Variants in CAPN5 observed in about 807,000 individuals in gnomAD.
The protein encoded by CAPN5 is calpain-5.
Under a neutral mutation model 73.0 loss-of-function variants are expected in CAPN5, and 54 were observed. That is an observed-to-expected ratio of 0.74 (90% CI 0.59 to 0.93). The LOEUF is 0.93. Among genes scored for constraint, CAPN5 ranks in the 40% least tolerant of loss-of-function variants. The pLI is 0.00. For missense variants in CAPN5, 785 were observed against 882.9 expected (o/e 0.89, Z 1.41); for synonymous variants, 335 against 356.9 (o/e 0.94, Z 0.69).
chr11:77,122,551 C>A, intron 11 of CAPN5, 25 bp from the exon 12 acceptor site: 1 of 1,527,530 alleles, frequency 6.5e-7, no homozygotes, highest in Non-Finnish European at 9.0e-7. Flanking sequence ...CCACCCTCAC[C>A]CCATCTCCCA....
intron 1 of CAPN5, among the ~76,000 whole-genome samples, chr11:77,074,274 C>G (rs1949944081): frequency 6.6e-6 from 1 of 152,008 alleles, no homozygotes; most frequent in Non-Finnish European, 1.5e-5. Context: ...TTTAGTCTTG[C>G]CCCTGGCTCC....
intron 3 of CAPN5, among the ~76,000 whole-genome samples, chr11:77,094,069 T>G (rs562739679): frequency 2.0e-5 from 3 of 152,226 alleles, no homozygotes; most frequent in Non-Finnish European, 4.4e-5. Context: ...CCCAACACTG[T>G]TGGGGACACT....
In CAPN5 at chr11:77,125,058, T is replaced by C. The variant is rs912410563; in HGVS notation, c.*1188T>C. The C allele has an allele frequency of 1.2e-4, 19 of 152,348 alleles. No individual in the cohort carries two copies. Among genetic ancestry groups the C allele is most frequent in the African/African-American group, 4.6e-4 (19 of 41,470 alleles). 9.4% of individuals were successfully genotyped at this position (152,348 alleles called of 1,614,324 possible). ...TGAAAGCCTGAACCTCCATTTTTCT[T>C]CTTGGCTCCAGTTTTGCTGGTCCTC... On this transcript the variant is annotated 3_prime_UTR_variant, in exon 13 of 13. Transcript: ENST00000648180.
chr11:77,093,561 C>T, intron 2 of CAPN5, 121 bp from the exon 3 acceptor site: 3 of 1,400,976 alleles, frequency 2.1e-6, no homozygotes, highest in Non-Finnish European at 2.9e-6. Flanking sequence ...AGGTGAATCA[C>T]CATGCTGATG....
At chr11:77,079,446 G>A (rs552739858) in intron 1 of CAPN5, among the ~76,000 whole-genome samples, 2 of 152,022 alleles carry the variant, frequency 1.3e-5, no homozygotes, top group East Asian at 3.9e-4. Context: ...TCCATCCATA[G>A]GGTTGTGTGC....
At chr11:77,118,093 T>TG (rs1950485486) in intron 7 of CAPN5, 64 bp from the exon 8 acceptor site, 4 of 1,470,340 alleles carry the variant, frequency 2.7e-6, no homozygotes, top group East Asian at 2.3e-5. Flanking sequence ...GTTGTTGGGC[T>TG]GGGGGGCCAA....
rs1368874058 is a variant in CAPN5, at chr11:77,125,273, G to C, written c.*1403G>C. On this transcript the variant is annotated 3_prime_UTR_variant, in exon 13 of 13. Coordinates refer to ENST00000648180, the MANE Select transcript of CAPN5 (RefSeq NM_004055.5). The stretch of plus-strand genomic sequence containing the variant: ...ACTCCAGATCCTGCTGTCTGGATCA[G>C]TGTTCTGGCTGGAGGTGCTGGATTC... The C allele has an allele frequency of 6.5e-6, 1 of 152,712 alleles. No individual in the cohort carries two copies. The allele number at this position is 152,712 out of a possible 1,614,324, so 9.5% of individuals were successfully genotyped here.
intron 9 of CAPN5, 198 bp downstream of exon 9, chr11:77,119,350 C>A: frequency 1.6e-6 from 1 of 613,948 alleles, no homozygotes; most frequent in Non-Finnish European, 2.8e-6. Context: ...CCAGCCTTGG[C>A]TTCTGTGGGA....
intron 3 of CAPN5, among the ~76,000 whole-genome samples, chr11:77,111,792 C>G (rs1156848875): frequency 6.6e-6 from 1 of 152,162 alleles, no homozygotes; most frequent in East Asian, 1.9e-4. Flanking sequence ...CAGATGAGAG[C>G]TGCCAAGGGC....
rs1950553897 is a variant in CAPN5 at position 77,124,482 on chromosome 11, G to A, written c.*612G>A. ...CACCTTTGAGGCCCCAGGTGAAGCG[G>A]GGCCCTACTCCGGCCTCTGCCTTGG... On this transcript the variant is annotated 3_prime_UTR_variant, in exon 13 of 13. Transcript: ENST00000648180. 1 of 153,188 alleles carries A rather than the reference G, an allele frequency of 6.5e-6. No individual in the cohort carries two copies. Among genetic ancestry groups the A allele is most frequent in the Non-Finnish European group, 1.5e-5 (1 of 68,678 alleles). 9.5% of individuals were successfully genotyped at this position (153,188 alleles called of 1,614,324 possible). A position where few individuals can be genotyped will look rare whatever the true frequency, so the allele number is the denominator to read the frequency against.
At chr11:77,098,409 C>T (rs1950239405) in intron 3 of CAPN5, among the ~76,000 whole-genome samples, 1 of 109,698 alleles carries the variant, frequency 9.1e-6, no homozygotes, top group Non-Finnish European at 1.9e-5. Flanking sequence ...GACCGGGCGG[C>T]TGGCCGGGCA....
chr11:77,114,112 G>A (rs374228288), intron 4 of CAPN5, 130 bp from the exon 5 acceptor site: 15 of 737,226 alleles, frequency 2.0e-5, no homozygotes, highest in African/African-American at 3.5e-5. Context: ...TGTTGGCTCC[G>A]CCGTGGCCTG....
intron 2 of CAPN5, among the ~76,000 whole-genome samples, chr11:77,085,544 A>G (rs1950076686): frequency 1.3e-5 from 2 of 152,362 alleles, no homozygotes; most frequent in Non-Finnish European, 2.9e-5. Context: ...CCTACCTCAT[A>G]GAGTGGTTGT....
At chr11:77,102,853 G>C (rs781915212) in intron 3 of CAPN5, 3 of 1,596,594 alleles carry the variant, frequency 1.9e-6, no homozygotes, top group Non-Finnish European at 2.6e-6. Context: ...GCGGAGGACA[G>C]GCCGCAGCAG....
intron 3 of CAPN5, among the ~76,000 whole-genome samples, chr11:77,100,659 T>C (rs2135452331): frequency 6.6e-6 from 1 of 152,310 alleles, no homozygotes; most frequent in African/African-American, 2.4e-5. Flanking sequence ...GCTCCTTCAC[T>C]GGACTCCCAC....
intron 2 of CAPN5, among the ~76,000 whole-genome samples, chr11:77,093,192 C>A (rs1950168121): frequency 6.6e-6 from 1 of 152,312 alleles, no homozygotes; most frequent in East Asian, 1.9e-4. Context: ...TCCCCACTGG[C>A]CCCTCGCTTT....
rs1950559383 is a variant in CAPN5 at position 77,125,031 on chromosome 11, A to G, written c.*1161A>G. Reference sequence around the variant, plus strand: ...TTTTAATCAGGGGTTTTAAAAGAAAATTGAAAGCCTGAACCTCCATTTTTC... The same window carrying G: ...TTTTAATCAGGGGTTTTAAAAGAAAGTTGAAAGCCTGAACCTCCATTTTTC... On this transcript the variant is annotated 3_prime_UTR_variant, in exon 13 of 13. Coordinates refer to ENST00000648180, the MANE Select transcript of CAPN5 (RefSeq NM_004055.5). 6.6e-6 allele frequency: 1 copy of G among 152,244 alleles called. No homozygotes were observed. 9.4% of individuals were successfully genotyped at this position (152,244 alleles called of 1,614,324 possible).
chr11:77,101,550 C>CG (rs1950284647), intron 3 of CAPN5, among the ~76,000 whole-genome samples: 1 of 152,182 alleles, frequency 6.6e-6, no homozygotes. Flanking sequence ...TTAACAGGAC[C>CG]GGGTATTCTG....
At chr11:77,120,556 A>C in intron 9 of CAPN5, 157 bp from the exon 10 acceptor site, 1 of 556,288 alleles carries the variant, frequency 1.8e-6, no homozygotes, top group South Asian at 2.8e-5. Context: ...CCCTGGGCAA[A>C]CACGAATCCG....
Sources: allele counts gnomAD v4.1 joint callset (sites outside exome capture counted in the v4.1 genomes callset), GRCh38; gene constraint gnomAD v4.1.1; transcripts MANE v1.5; gene names NCBI Gene and HGNC (gene_info 2026-07-23, HGNC 2026-07-21).